PRKCG: variants seen among roughly 807,000 people sequenced by gnomAD.
The protein encoded by PRKCG is protein kinase C gamma, also known as protein kinase C gamma type.
Under a neutral mutation model 82.0 loss-of-function variants are expected in PRKCG, and 28 were observed. The observed-to-expected ratio is 0.34, with a 90% CI of 0.25 to 0.47. The LOEUF (loss-of-function observed/expected upper bound fraction) is 0.47, where lower values mean the gene tolerates loss of function less well. Among genes scored for constraint, PRKCG ranks in the 20% least tolerant of loss-of-function variants. The pLI is 1.00. For missense variants in PRKCG, 640 were observed against 952.7 expected (o/e 0.67, Z 4.32); for synonymous variants, 383 against 376.6 (o/e 1.02, Z -0.20).
rs2068758635 is a variant in PRKCG at position 53,900,884 on chromosome 19, G to A, written c.1575+135G>A. The A allele has an allele frequency of 2.2e-5, 32 of 1,467,284 alleles. 1 individual carries two copies. The highest frequency in any genetic ancestry group is 1.8e-4 in the Admixed American group (11 of 59,552). 90.9% of individuals were successfully genotyped at this position (1,467,284 alleles called of 1,614,324 possible). On this transcript the variant is annotated intron_variant, in intron 14 of 17. Transcript: ENST00000263431. This position sits in a 1 kb window ranked among gnomAD's most constrained non-coding sequence, Gnocchi z 4.2. ...TTGTGGCCTTCTTACACAGCCAGTC[G>A]TTCCTCCAGCCTCCAGCACAGGTGA...
intron 3 of PRKCG, among the ~76,000 whole-genome samples, chr19:53,888,844 G>T (rs962817041): frequency 2.0e-5 from 3 of 152,078 alleles, no homozygotes; most frequent in African/African-American, 7.2e-5. Context: ...TGTGGGAGTT[G>T]GGGGGATGGG....
chr19:53,890,428 T>A (rs1157057180), intron 5 of PRKCG, among the ~76,000 whole-genome samples: 1 of 150,398 alleles, frequency 6.6e-6, no homozygotes, highest in African/African-American at 2.4e-5. Context: ...GGCTAATTTT[T>A]TGTATTTTTA....
At chr19:53,905,091 CTT>C (rs918892391) in intron 16 of PRKCG, among the ~76,000 whole-genome samples, 1 of 152,168 alleles carries the variant, frequency 6.6e-6, no homozygotes, top group African/African-American at 2.4e-5. Flanking sequence ...GTCACCAAAA[CTT>C]TGTGAGCTTA....
At chr19:53,902,890 C>CAAAA (rs56955659) in intron 14 of PRKCG, among the ~76,000 whole-genome samples, 183 bp from the exon 15 acceptor site, 6 of 19,976 alleles carry the variant, frequency 3.0e-4, no homozygotes, top group Admixed American at 7.2e-4. Flanking sequence ...GAGACCCTGT[C>CAAAA]AAAAAAAAAA....
chr19:53,905,762 G>GTCCCTCTCTCCCCT (rs1439516925), intron 16 of PRKCG, among the ~76,000 whole-genome samples: 3 of 68,760 alleles, frequency 4.4e-5, no homozygotes, highest in African/African-American at 1.7e-4. Flanking sequence ...CCCTCTCCCC[G>GTCCCTCTCTCCCCT]TCCCTCTCTC....
intron 3 of PRKCG, among the ~76,000 whole-genome samples, chr19:53,885,731 G>A (rs1388201816): frequency 2.0e-5 from 3 of 152,024 alleles, no homozygotes; most frequent in East Asian, 1.9e-4. Flanking sequence ...TCCATGAGGC[G>A]TTTTACCACC....
chr19:53,906,829 G>A lies in PRKCG; in HGVS notation c.2028G>A (p.Val676=). The change falls in exon 18 of 18, where the codon GTG becomes GTA. Residue 676 remains valine (V), a synonymous_variant. Transcript: ENST00000263431. Reference sequence around the variant, plus strand: ...CCGATTTCCAGGGCTTCACCTACGTGAACCCCGACTTCGTGCACCCGGATG... The same window carrying A: ...CCGATTTCCAGGGCTTCACCTACGTAAACCCCGACTTCGTGCACCCGGATG... ...DQADFQGFTY[V]NPDFVHPDAR... 1 of 1,613,740 alleles carries A rather than the reference G, an allele frequency of 6.2e-7. No individual in the cohort carries two copies. The highest frequency in any genetic ancestry group is 8.5e-7 in the Non-Finnish European group (1 of 1,179,994).
Position 53,907,058 on chromosome 19 carries a change from G to A in PRKCG, c.*163G>A. The A allele has an allele frequency of 6.7e-7, 1 of 1,486,260 alleles. No homozygotes were observed. The highest frequency in any genetic ancestry group is 9.0e-7 in the Non-Finnish European group (1 of 1,109,350). 92.1% of individuals were successfully genotyped at this position (1,486,260 alleles called of 1,614,324 possible). ...CTAGACGCCCCTCCCAAGCGTTCCTGGCCTTCTGAACTCCATACAGCCTCT... is the reference window on the plus strand; with the variant it reads ...CTAGACGCCCCTCCCAAGCGTTCCTAGCCTTCTGAACTCCATACAGCCTCT... On this transcript the variant is annotated 3_prime_UTR_variant, in exon 18 of 18. Transcript: ENST00000263431.
intron 9 of PRKCG, 139 bp downstream of exon 9, chr19:53,893,530 A>C (rs1219265143): frequency 5.3e-6 from 5 of 940,172 alleles, no homozygotes; most frequent in Middle Eastern, 2.1e-4. Context: ...GTGCTTGCTG[A>C]ATAATCCAGG....
intron 3 of PRKCG, among the ~76,000 whole-genome samples, chr19:53,886,496 C>T (rs1048907031): frequency 6.6e-6 from 1 of 152,078 alleles, no homozygotes; most frequent in Non-Finnish European, 1.5e-5. Context: ...TTGAATTCTC[C>T]AGGCTCAAGT....
chr19:53,905,914 GTC>G (rs371309466), intron 16 of PRKCG, among the ~76,000 whole-genome samples: 56 of 126,334 alleles, frequency 4.4e-4, no homozygotes, highest in South Asian at 5.3e-4. Flanking sequence ...CCTTCTTCCT[GTC>G]TCTCTCTCTC....
chr19:53,906,686 C>T (rs1243313182), intron 17 of PRKCG, 21 bp from the exon 18 acceptor site: 1 of 1,611,716 alleles, frequency 6.2e-7, no homozygotes, highest in Non-Finnish European at 8.5e-7. Context: ...CTTAACTTTC[C>T]CTCCCCCACG....
In PRKCG at chr19:53,904,724, C is replaced by T. The variant is rs367543217; in HGVS notation, c.1746C>T (p.Ala582=). ...VTYPKSLSRE[A]VAICKGFLTK... ...ACCCCAAGTCGCTTTCCCGGGAAGC[C>T]GTGGCCATCTGCAAGGGGGTGAGAG... Residue 582 remains alanine, a synonymous_variant, in exon 16 of 18, where the codon GCC becomes GCT. Transcript: ENST00000263431. 1.5e-5 allele frequency: 24 copies of T among 1,613,588 alleles called. No individual in the cohort carries two copies. The East Asian group carries it at 1.6e-4, about 10-fold the overall frequency.
rs755412378 is a variant in PRKCG at position 53,883,224 on chromosome 19, C to A, written c.202+30C>A. ...GAGCTGGGGACCGGGGCTCCTGGGA[C>A]CCTCAGGAGGGTGGAGGCTGGGGCC... On this transcript the variant is annotated intron_variant, in intron 2 of 17. Transcript: ENST00000263431. The surrounding 1 kb of genome is among the most constrained non-coding windows in gnomAD (Gnocchi z 5.4). 1 of 1,613,334 alleles carries A rather than the reference C, an allele frequency of 6.2e-7. No individual in the cohort carries two copies. Among genetic ancestry groups the A allele is most frequent in the South Asian group, 1.1e-5 (1 of 91,074 alleles).
At chr19:53,904,889 A>G (rs1263764652) in intron 16 of PRKCG, 147 bp downstream of exon 16, 1 of 724,126 alleles carries the variant, frequency 1.4e-6, no homozygotes, top group Non-Finnish European at 2.4e-6. Context: ...AGGTTTTGTT[A>G]GAACAATGAT....
At chr19:53,897,376 G>A (rs1411614761) in intron 9 of PRKCG, among the ~76,000 whole-genome samples, 3 of 152,144 alleles carry the variant, frequency 2.0e-5, no homozygotes, top group Non-Finnish European at 2.9e-5. Context: ...AAAAGGTAGA[G>A]AAGGGACCCT....
intron 5 of PRKCG, 111 bp from the exon 6 acceptor site, chr19:53,891,563 T>G (rs1239092140): frequency 7.9e-5 from 108 of 1,374,432 alleles, no homozygotes; most frequent in East Asian, 2.1e-4. Context: ...ATTACAGGCA[T>G]GAGCCGCCGT....
intron 9 of PRKCG, among the ~76,000 whole-genome samples, chr19:53,897,180 A>T (rs2068723859): frequency 6.6e-6 from 1 of 152,174 alleles, no homozygotes; most frequent in Non-Finnish European, 1.5e-5. Flanking sequence ...CTTAACACAG[A>T]GGGAGCAGTT....
Position 53,907,131 on chromosome 19 carries a change from G to A in PRKCG, c.*236G>A. ...TTGAGCGGAGCCCGATATTCTCCCT[G>A]ACCTTAGCGTTCTGGACTCTGCCCC... On this transcript the variant is annotated 3_prime_UTR_variant, in exon 18 of 18. Coordinates refer to ENST00000263431, the MANE Select transcript of PRKCG (RefSeq NM_002739.5). 1.1e-6 allele frequency: 1 copy of A among 951,834 alleles called. No individual in the cohort carries two copies. The highest frequency in any genetic ancestry group is 1.5e-6 in the Non-Finnish European group (1 of 654,154). 59.0% of individuals were successfully genotyped at this position (951,834 alleles called of 1,614,324 possible). A position where few individuals can be genotyped will look rare whatever the true frequency, so the allele number is the denominator to read the frequency against.
Sources: gnomAD v4.1 joint callset for allele counts (sites outside exome capture counted in the v4.1 genomes callset) on GRCh38, gnomAD v4.1.1 for gene constraint, Gnocchi (gnomAD v3.1) non-coding constraint, MANE v1.5 for transcripts, NCBI Gene and HGNC (gene_info 2026-07-23, HGNC 2026-07-21) for gene names.